Variants in TMEM132D observed in about 807,000 individuals in gnomAD.
TMEM132D encodes mature OL transmembrane protein.
A neutral mutation model predicts 62.3 loss-of-function variants in TMEM132D; 21 were observed. That is an observed-to-expected ratio of 0.34 (90% CI 0.24 to 0.49). TMEM132D has a LOEUF of 0.49. Among genes scored for constraint, TMEM132D ranks in the 20% least tolerant of loss-of-function variants. The probability of loss-of-function intolerance (pLI) is 0.99; values close to 1 mark genes in which losing one functional copy is unlikely to be tolerated. For synonymous variants in TMEM132D, 621 were observed against 575.6 expected (o/e 1.08, Z -1.13); for missense variants, 1,346 against 1,402.8 (o/e 0.96, Z 0.65).
chr12:129,235,862 T>TA (rs913464284), intron 4 of TMEM132D, among the ~76,000 whole-genome samples: 4 of 151,898 alleles, frequency 2.6e-5, no homozygotes, highest in Non-Finnish European at 4.4e-5. Flanking sequence ...ATCTTAGAAT[T>TA]AAAAAAAACA....
At chr12:129,643,489 C>A (rs1194457326) in intron 2 of TMEM132D, among the ~76,000 whole-genome samples, 1 of 152,206 alleles carries the variant, frequency 6.6e-6, no homozygotes, top group East Asian at 1.9e-4. Context: ...GTATACCCTG[C>A]AAAGCCAAAC....
At chr12:129,581,377 G>T (rs1188966010) in intron 2 of TMEM132D, among the ~76,000 whole-genome samples, 1 of 152,172 alleles carries the variant, frequency 6.6e-6, no homozygotes, top group Non-Finnish European at 1.5e-5. Flanking sequence ...TTATTAAGGA[G>T]TATTGACTCA....
intron 2 of TMEM132D, among the ~76,000 whole-genome samples, chr12:129,592,580 C>T (rs155681): frequency 0.56 from 84,691 of 151,998 alleles, 24,097 homozygotes; most frequent in African/African-American, 0.67. Context: ...ACAAGCTAAG[C>T]ATATCCTAGT....
intron 3 of TMEM132D, among the ~76,000 whole-genome samples, chr12:129,411,336 G>C (rs748490159): frequency 1.3e-5 from 2 of 152,086 alleles, no homozygotes; most frequent in Non-Finnish European, 2.9e-5. Flanking sequence ...CTCTGCTTTA[G>C]TTAGTTATCG....
At chr12:129,212,157 T>C (rs572249168) in intron 4 of TMEM132D, 1 of 152,146 alleles carries the variant, frequency 6.6e-6, no homozygotes, top group African/African-American at 2.4e-5. Flanking sequence ...ACTCTAACGA[T>C]AAAAATCAAA....
At chr12:129,737,161 G>T (rs908105106) in intron 1 of TMEM132D, among the ~76,000 whole-genome samples, 4 of 152,182 alleles carry the variant, frequency 2.6e-5, no homozygotes, top group Admixed American at 6.5e-5. Context: ...TTAGACTGGA[G>T]AATTCTTTGT....
intron 4 of TMEM132D, among the ~76,000 whole-genome samples, chr12:129,284,763 A>G (rs988652174): frequency 3.9e-5 from 6 of 152,282 alleles, no homozygotes; most frequent in African/African-American, 1.2e-4. Flanking sequence ...AATACATGCT[A>G]CAACATGGAT....
chr12:129,807,369 C>A (rs1872026652), intron 1 of TMEM132D, among the ~76,000 whole-genome samples: 3 of 152,164 alleles, frequency 2.0e-5, no homozygotes, highest in Non-Finnish European at 4.4e-5. Context: ...AATGTCTCCC[C>A]CAGGTGGCAG....
rs117269705 is a variant in TMEM132D at position 129,378,118 on chromosome 12, C to A, written c.1116-40301G>T. On this transcript the variant is annotated intron_variant, in intron 3 of 8. Transcript: ENST00000422113. ...CTACAGCCTCTTTTCTCTTTTAAGG[C>A]CATATTGAAATAATCATTTCCTCAA... 3.9e-3 allele frequency among the ~76,000 whole-genome samples: 596 copies of A among 152,228 alleles called. 1 individual carries two copies. Among genetic ancestry groups the A allele is most frequent in the Middle Eastern group, 6.8e-3 (2 of 294 alleles).
chr12:129,205,319 A>G (rs377651669), intron 5 of TMEM132D, among the ~76,000 whole-genome samples: 8 of 152,156 alleles, frequency 5.3e-5, no homozygotes, highest in African/African-American at 1.9e-4. Flanking sequence ...GGATGGAGAA[A>G]AATCTACCAA....
chr12:129,621,736 T>C lies in TMEM132D; in HGVS notation c.968+78074A>G, dbSNP rs531767801. 2.6e-5 allele frequency among the ~76,000 whole-genome samples: 4 copies of C among 152,242 alleles called. No individual in the cohort carries two copies. In the East Asian group the frequency reaches 7.7e-4, roughly 29 times the overall value. On this transcript the variant is annotated intron_variant, in intron 2 of 8. Transcript: ENST00000422113. ...CATCTTCCAGTGGAGGTAGGTACTA[T>C]CACTATCTCCAACAAAGAGTCTGAG...
chr12:129,543,219 GTGGGTGGA>G (rs1244980436), intron 2 of TMEM132D, among the ~76,000 whole-genome samples: 1 of 124,492 alleles, frequency 8.0e-6, no homozygotes, highest in African/African-American at 3.1e-5. Flanking sequence ...GAGTGGGTGG[GTGGGTGGA>G]TGGATGGATG....
At chr12:129,231,321 A>C (rs974353109) in intron 4 of TMEM132D, among the ~76,000 whole-genome samples, 24 of 152,280 alleles carry the variant, frequency 1.6e-4, no homozygotes, top group African/African-American at 5.5e-4. Context: ...CATTATGGCC[A>C]TGTTCTCTTT....
chr12:129,707,219 TTA>T (rs1283281849), intron 1 of TMEM132D, among the ~76,000 whole-genome samples: 1 of 148,064 alleles, frequency 6.8e-6, no homozygotes, highest in Non-Finnish European at 1.5e-5. Flanking sequence ...ATAGTATATA[TTA>T]TATATGTATA....
chr12:129,582,831 G>T (rs899727613), intron 2 of TMEM132D, among the ~76,000 whole-genome samples: 2 of 152,126 alleles, frequency 1.3e-5, no homozygotes, highest in Non-Finnish European at 2.9e-5. Context: ...CACCATGTTG[G>T]CCAGGCTGGT....
intron 3 of TMEM132D, among the ~76,000 whole-genome samples, chr12:129,396,781 T>G (rs1393391019): frequency 6.6e-6 from 1 of 152,218 alleles, no homozygotes; most frequent in East Asian, 1.9e-4. Flanking sequence ...AAGATGACTT[T>G]ATACCCCCAA....
intron 1 of TMEM132D, among the ~76,000 whole-genome samples, chr12:129,767,837 A>G (rs1414090400): frequency 6.6e-6 from 1 of 152,188 alleles, no homozygotes; most frequent in Non-Finnish European, 1.5e-5. Context: ...AAGACTTGGT[A>G]ATTCACAAGG....
chr12:129,536,289 G>A (rs1876386805), intron 2 of TMEM132D, among the ~76,000 whole-genome samples: 1 of 152,314 alleles, frequency 6.6e-6, no homozygotes, highest in African/African-American at 2.4e-5. Context: ...TTTGGTGATA[G>A]CATTCCTCCC....
chr12:129,790,815 C>T (rs116180508), intron 1 of TMEM132D, among the ~76,000 whole-genome samples: 1 of 152,276 alleles, frequency 6.6e-6, no homozygotes, highest in African/African-American at 2.4e-5. Flanking sequence ...TTCTGTTTTC[C>T]CTGCAAATAA....
Sources: gnomAD v4.1 joint callset for allele counts (sites outside exome capture counted in the v4.1 genomes callset) on GRCh38, gnomAD v4.1.1 for gene constraint, MANE v1.5 for transcripts, NCBI Gene and HGNC (gene_info 2026-07-23, HGNC 2026-07-21) for gene names.